The following LYPLAL1 variants were observed in gnomAD, a reference collection of about 807,000 sequenced individuals.
LYPLAL1 encodes the protein lysophospholipase like 1.
In LYPLAL1, 23 loss-of-function variants were observed where a neutral mutation model predicts 19.7. The observed-to-expected ratio is 1.17, with a 90% CI of 0.84 to 1.65. The LOEUF (loss-of-function observed/expected upper bound fraction) is 1.65. Among genes scored for constraint, LYPLAL1 ranks in the 40% most tolerant of loss-of-function variants. LYPLAL1 has a pLI of 0.00. For missense variants in LYPLAL1, 355 were observed against 279.4 expected (o/e 1.27, Z -1.93); for synonymous variants, 119 against 96.3 (o/e 1.24, Z -1.38).
chr1:219,229,167 T>A, the LYPLAL1 span, among the ~76,000 whole-genome samples: 1 of 151,828 alleles, frequency 6.6e-6, no homozygotes, highest in Non-Finnish European at 1.5e-5. Context: ...GGTATGTAAA[T>A]ATTTCTTCCG....
chr1:219,181,822 A>AT (rs1238302103), intron 2 of LYPLAL1, among the ~76,000 whole-genome samples: 1 of 152,144 alleles, frequency 6.6e-6, no homozygotes, highest in Admixed American at 6.6e-5. Flanking sequence ...AGCAGTTTAT[A>AT]TGATACTTAC....
At chr1:219,288,191 A>G in the LYPLAL1 span, among the ~76,000 whole-genome samples, 1 of 152,192 alleles carries the variant, frequency 6.6e-6, no homozygotes, top group Non-Finnish European at 1.5e-5. Flanking sequence ...CTTTATTTAT[A>G]ATTGCCAAAA....
the LYPLAL1 span, among the ~76,000 whole-genome samples, chr1:219,266,138 CTT>C: frequency 1.3e-5 from 2 of 152,000 alleles, no homozygotes; most frequent in Middle Eastern, 6.8e-3. Flanking sequence ...ATTTTATAAA[CTT>C]TAACATTTTT....
the LYPLAL1 span, among the ~76,000 whole-genome samples, chr1:219,354,985 G>A: frequency 6.6e-6 from 1 of 152,074 alleles, no homozygotes. Context: ...GGACAGGAGT[G>A]GAAAAATAGA....
At chr1:219,443,284 G>A in the LYPLAL1 span, among the ~76,000 whole-genome samples, 1 of 152,116 alleles carries the variant, frequency 6.6e-6, no homozygotes. Context: ...ACAGGTCCAT[G>A]GGGTTATAAG....
chr1:219,377,826 C>T, the LYPLAL1 span, among the ~76,000 whole-genome samples: 12 of 152,132 alleles, frequency 7.9e-5, no homozygotes, highest in South Asian at 6.2e-4. Context: ...AAGTTCCAAA[C>T]TCAAAGACAC....
chr1:219,295,184 T>C, the LYPLAL1 span, among the ~76,000 whole-genome samples: 2 of 152,296 alleles, frequency 1.3e-5, no homozygotes, highest in East Asian at 3.9e-4. Context: ...GCCCTTATCA[T>C]CACTGCTACT....
At position 219,193,256 on chromosome 1, in the gene LYPLAL1, G is replaced by C; in HGVS notation, c.361+5G>C. ...AGAAGAACAGGATATTAATAGGTAA[G>C]ACCTTTAAATGTTGGTAATTTATCA... On this transcript the variant is annotated splice_donor_5th_base_variant and intron_variant, in intron 3 of 4. Coordinates refer to ENST00000366928, the MANE Select transcript of LYPLAL1 (RefSeq NM_138794.5). The C allele has an allele frequency of 1.9e-6, 3 of 1,602,572 alleles. No homozygotes were observed. The highest frequency in any genetic ancestry group is 2.6e-6 in the Non-Finnish European group (3 of 1,173,208).
chr1:219,430,833 T>A, the LYPLAL1 span, among the ~76,000 whole-genome samples: 2 of 152,296 alleles, frequency 1.3e-5, no homozygotes, highest in Admixed American at 1.3e-4. Flanking sequence ...TGTAGTTTTT[T>A]AATTTAATTT....
chr1:219,262,524 T>C, the LYPLAL1 span, among the ~76,000 whole-genome samples: 1 of 152,178 alleles, frequency 6.6e-6, no homozygotes, highest in South Asian at 2.1e-4. Flanking sequence ...TACAATAGGG[T>C]GATCCCTTGA....
chr1:219,350,181 T>A, the LYPLAL1 span, among the ~76,000 whole-genome samples: 1 of 152,234 alleles, frequency 6.6e-6, no homozygotes, highest in Non-Finnish European at 1.5e-5. Flanking sequence ...TTTTATAGCA[T>A]CAGATGCTCA....
chr1:219,227,861 A>T, the LYPLAL1 span, among the ~76,000 whole-genome samples: 2 of 152,210 alleles, frequency 1.3e-5, no homozygotes, highest in African/African-American at 4.8e-5. Flanking sequence ...ACAGCATGTA[A>T]TAGAAAATAC....
At chr1:219,402,539 G>T in the LYPLAL1 span, among the ~76,000 whole-genome samples, 1 of 150,864 alleles carries the variant, frequency 6.6e-6, no homozygotes, top group Non-Finnish European at 1.5e-5. Flanking sequence ...ATTATTCTTG[G>T]ACCAGTATAT....
chr1:219,358,816 T>A, the LYPLAL1 span, among the ~76,000 whole-genome samples: 1 of 151,592 alleles, frequency 6.6e-6, no homozygotes, highest in South Asian at 2.1e-4. Context: ...TATACATAAT[T>A]ATAGTGCGTG....
the LYPLAL1 span, among the ~76,000 whole-genome samples, chr1:219,402,487 G>A: frequency 6.6e-6 from 1 of 151,924 alleles, no homozygotes; most frequent in Non-Finnish European, 1.5e-5. Flanking sequence ...CACATCAAAA[G>A]GAACATTACA....
intron 3 of LYPLAL1, among the ~76,000 whole-genome samples, chr1:219,195,825 T>C (rs1657555328): frequency 6.6e-6 from 1 of 152,146 alleles, no homozygotes; most frequent in Non-Finnish European, 1.5e-5. Flanking sequence ...ATTAGCTGTT[T>C]ATCCTGATGC....
chr1:219,410,317 C>A, the LYPLAL1 span: 2 of 152,164 alleles, frequency 1.3e-5, no homozygotes, highest in Admixed American at 1.3e-4. Context: ...CCTTTTATTT[C>A]TTATATGCTA....
intron 2 of LYPLAL1, among the ~76,000 whole-genome samples, chr1:219,185,012 C>A (rs1359397686): frequency 6.6e-6 from 1 of 151,868 alleles, no homozygotes; most frequent in African/African-American, 2.4e-5. Flanking sequence ...TGATAAAATT[C>A]ACTATTGAAA....
At chr1:219,445,437 A>C in the LYPLAL1 span, among the ~76,000 whole-genome samples, 1 of 150,856 alleles carries the variant, frequency 6.6e-6, no homozygotes, top group African/African-American at 2.4e-5. Flanking sequence ...GGAACAAACA[A>C]GTAGACTGCA....
Sources: allele counts gnomAD v4.1 joint callset (sites outside exome capture counted in the v4.1 genomes callset), GRCh38; gene constraint gnomAD v4.1.1; transcripts MANE v1.5; gene names NCBI Gene and HGNC (gene_info 2026-07-23, HGNC 2026-07-21).